Variants in FAM120B observed in about 807,000 individuals in gnomAD.
The protein encoded by FAM120B is family with sequence similarity 120 member B.
A neutral mutation model predicts 96.3 loss-of-function variants in FAM120B; 83 were observed. The ratio of observed to expected loss-of-function variants is 0.86; its 90% CI spans 0.72 to 1.03. The LOEUF (loss-of-function observed/expected upper bound fraction) is 1.03, where lower values mean the gene tolerates loss of function less well. Ranked by LOEUF, FAM120B falls within the 50% of genes least tolerant of loss-of-function variation. FAM120B has a pLI of 0.00. For synonymous variants in FAM120B, 407 were observed against 402.7 expected, an observed-to-expected ratio of 1.01 and a Z score of -0.13; for missense variants, 1,027 against 1,121.2, an observed-to-expected ratio of 0.92 and a Z score of 1.20.
At chr6:170,351,864 T>C (rs1787603022) in intron 5 of FAM120B, among the ~76,000 whole-genome samples, 1 of 152,192 alleles carries the variant, frequency 6.6e-6, no homozygotes, top group South Asian at 2.1e-4. Flanking sequence ...AGTGATACTG[T>C]GAAGCAACCA....
At chr6:170,377,289 G>A (rs533628550) in intron 6 of FAM120B, among the ~76,000 whole-genome samples, 2 of 123,846 alleles carry the variant, frequency 1.6e-5, no homozygotes, top group African/African-American at 3.4e-5. Flanking sequence ...GTGCACACGC[G>A]TCCCTAATCC....
chr6:170,371,796 A>G (rs2115252366), intron 6 of FAM120B, among the ~76,000 whole-genome samples: 1 of 152,252 alleles, frequency 6.6e-6, no homozygotes, highest in East Asian at 1.9e-4. Context: ...GAAGTAAGAG[A>G]TGATTGGCCA....
chr6:170,335,273 G>T (rs1786339047), intron 4 of FAM120B, among the ~76,000 whole-genome samples: 1 of 148,540 alleles, frequency 6.7e-6, no homozygotes, highest in Non-Finnish European at 1.5e-5. Flanking sequence ...TGCTCTCATT[G>T]TTCAACTCCC....
chr6:170,308,626 A>G (rs1051387918), intron 1 of FAM120B, among the ~76,000 whole-genome samples: 2 of 152,194 alleles, frequency 1.3e-5, no homozygotes, highest in African/African-American at 4.8e-5. Context: ...GGGACCTCAG[A>G]GATCTTGTGT....
intron 3 of FAM120B, among the ~76,000 whole-genome samples, chr6:170,329,871 C>G: frequency 6.6e-6 from 1 of 152,316 alleles, no homozygotes; most frequent in South Asian, 2.1e-4. Context: ...AGCCCACTGC[C>G]TCTTTCTGCC....
At chr6:170,308,206 T>G (rs998461844) in intron 1 of FAM120B, among the ~76,000 whole-genome samples, 1 of 152,300 alleles carries the variant, frequency 6.6e-6, no homozygotes. Context: ...AGTGAGTGTT[T>G]CCCCTGACTT....
intron 9 of FAM120B, among the ~76,000 whole-genome samples, chr6:170,397,086 G>A (rs556336192): frequency 2.6e-5 from 4 of 152,354 alleles, no homozygotes; most frequent in East Asian, 1.9e-4. Context: ...GGGGCTCCCC[G>A]TGGGCTGGGG....
In FAM120B at chr6:170,317,775, A is replaced by C. The variant is rs1784993693; in HGVS notation, c.385A>C (p.Asn129His). 1 of 1,614,082 alleles carries C rather than the reference A, an allele frequency of 6.2e-7. No homozygotes were observed. The highest frequency in any genetic ancestry group is 1.7e-5 in the Admixed American group (1 of 60,004). Residue 129 changes from asparagine to histidine, a missense_variant, in exon 2 of 11, where the codon AAT becomes CAT. By Grantham distance (68) the Asn-to-His change is moderately conservative. This residue lies in a region of FAM120B where 880 missense variants were observed against 980.9 expected (regional missense o/e 0.90). Coordinates refer to ENST00000476287, the MANE Select transcript of FAM120B (RefSeq NM_032448.3). ...IKSHKEQPGR[N>H]MFFIPSGLAV... Reference sequence around the variant, plus strand: ...GTCACACAAGGAGCAGCCAGGCAGAAATATGTTCTTCATCCCCTCAGGGCT... The same window carrying C: ...GTCACACAAGGAGCAGCCAGGCAGACATATGTTCTTCATCCCCTCAGGGCT...
intron 6 of FAM120B, among the ~76,000 whole-genome samples, chr6:170,376,731 C>T (rs1424626957): frequency 6.6e-6 from 1 of 152,174 alleles, no homozygotes; most frequent in Non-Finnish European, 1.5e-5. Flanking sequence ...TCTTTTGAGG[C>T]GTTCGAATGT....
chr6:170,354,581 A>C (rs1379444046), intron 5 of FAM120B, among the ~76,000 whole-genome samples: 4 of 152,270 alleles, frequency 2.6e-5, no homozygotes, highest in Middle Eastern at 6.8e-3. Context: ...AAAGCAAAAA[A>C]ACAATCCCAT....
intron 9 of FAM120B, among the ~76,000 whole-genome samples, chr6:170,401,096 A>G (rs550542624): frequency 6.6e-6 from 1 of 152,330 alleles, no homozygotes; most frequent in South Asian, 2.1e-4. Flanking sequence ...ATGACTTTCC[A>G]TAGGCGGAAT....
rs1327364385 is a variant in FAM120B, at chr6:170,406,592, T to C, written c.*1841T>C. The C allele has an allele frequency of 1.3e-5, 2 of 152,246 alleles. No homozygotes were observed. Among genetic ancestry groups the C allele is most frequent in the Non-Finnish European group, 1.5e-5 (1 of 68,052 alleles). The allele number at this position is 152,246 out of a possible 1,614,324, so 9.4% of individuals were successfully genotyped here. Reference sequence around the variant, plus strand: ...TCCCTTCGGTTTCTTCTTAAGAACATTTACATCTAATTATTTTTCGTGCAA... The same window carrying C: ...TCCCTTCGGTTTCTTCTTAAGAACACTTACATCTAATTATTTTTCGTGCAA... On this transcript the variant is annotated 3_prime_UTR_variant, in exon 11 of 11. Transcript: ENST00000476287.
chr6:170,335,084 G>A (rs1157383302), intron 4 of FAM120B, among the ~76,000 whole-genome samples: 7 of 150,304 alleles, frequency 4.7e-5, no homozygotes, highest in Non-Finnish European at 1.5e-5. Context: ...TACATGTGCA[G>A]AACTTGCAGG....
intron 6 of FAM120B, among the ~76,000 whole-genome samples, 155 bp downstream of exon 6, chr6:170,358,473 A>T (rs1788118688): frequency 6.6e-6 from 1 of 152,236 alleles, no homozygotes; most frequent in South Asian, 2.1e-4. Flanking sequence ...CGTCTCTTTA[A>T]TGGCTCTGGG....
At position 170,354,740 on chromosome 6, in the gene FAM120B, G is replaced by A. The variant is rs866464917; in HGVS notation, c.2191-3486G>A. 2.7e-4 allele frequency among the ~76,000 whole-genome samples: 40 copies of A among 150,924 alleles called. No individual in the cohort carries two copies. The Middle Eastern group carries it at 0.02, about 77-fold the overall frequency. ...AGATCAAGACCATCCTGGCTAACAC[G>A]GTGAAACCCCGTCTCTACAAAAAAA... On this transcript the variant is annotated intron_variant, in intron 5 of 10. Coordinates refer to ENST00000476287, the MANE Select transcript of FAM120B (RefSeq NM_032448.3).
intron 1 of FAM120B, among the ~76,000 whole-genome samples, chr6:170,311,857 T>A (rs1042492951): frequency 6.6e-6 from 1 of 152,230 alleles, no homozygotes; most frequent in South Asian, 2.1e-4. Flanking sequence ...CTTGATGCAA[T>A]GCTTTTGGAG....
intron 4 of FAM120B, among the ~76,000 whole-genome samples, chr6:170,340,183 C>T (rs1160274527): frequency 6.6e-6 from 1 of 152,044 alleles, no homozygotes; most frequent in Non-Finnish European, 1.5e-5. Context: ...AGGCTTTGTT[C>T]GTTCCTTTTC....
chr6:170,326,572 T>C (rs1402641524), intron 3 of FAM120B, among the ~76,000 whole-genome samples: 1 of 152,114 alleles, frequency 6.6e-6, no homozygotes, highest in Non-Finnish European at 1.5e-5. Context: ...TAATAATAAA[T>C]ATTGTAGGTT....
chr6:170,346,824 T>C (rs958869770), intron 4 of FAM120B, among the ~76,000 whole-genome samples: 6 of 152,074 alleles, frequency 3.9e-5, no homozygotes, highest in Non-Finnish European at 5.9e-5. Context: ...GTTGCCTGAG[T>C]TGGTTATTTT....
Sources: gnomAD v4.1 joint callset for allele counts (sites outside exome capture counted in the v4.1 genomes callset) on GRCh38, gnomAD v4.1.1 for gene constraint, gnomAD v4.1.1 regional missense constraint, MANE v1.5 for transcripts, NCBI Gene and HGNC (gene_info 2026-07-23, HGNC 2026-07-21) for gene names.